The following NOP53 variants were observed in gnomAD, a reference collection of about 807,000 sequenced individuals.
NOP53 encodes the protein ribosome biogenesis protein NOP53.
In NOP53, 40 loss-of-function variants were observed where a neutral mutation model predicts 61.0. The ratio of observed to expected loss-of-function variants is 0.66; its 90% CI spans 0.51 to 0.85. NOP53 has a LOEUF of 0.85. NOP53 is among the 40% of genes least tolerant of loss of function. The pLI, the probability that NOP53 is intolerant of heterozygous loss-of-function variation, is 0.00. For synonymous variants in NOP53, 308 were observed against 289.5 expected, an observed-to-expected ratio of 1.06 and a Z score of -0.65; for missense variants, 689 against 652.9, an observed-to-expected ratio of 1.06 and a Z score of -0.60.
intron 10 of NOP53, chr19:47,756,317 CCT>C: frequency 1.7e-6 from 1 of 593,020 alleles, no homozygotes; most frequent in Non-Finnish European, 3.0e-6. Context: ...TCCCGTGACT[CCT>C]CTAAGCCCAG....
At chr19:47,755,892 AG>A (rs1203025345) in intron 10 of NOP53, 70 bp downstream of exon 10, 1 of 1,332,608 alleles carries the variant, frequency 7.5e-7, no homozygotes, top group East Asian at 2.4e-5. Flanking sequence ...CGTGCCCCCC[AG>A]GGGCTATGGG....
chr19:47,745,854 T>G (rs990840313), intron 1 of NOP53, 71 bp downstream of exon 1: 3 of 278,000 alleles, frequency 1.1e-5, no homozygotes, highest in Non-Finnish European at 1.4e-5. Context: ...CGTGCTTGCG[T>G]GGACTCGTCG....
intron 4 of NOP53, 180 bp downstream of exon 4, chr19:47,751,287 C>G: frequency 1.5e-6 from 1 of 676,464 alleles, no homozygotes; most frequent in Non-Finnish European, 2.5e-6. Context: ...TTTTCCTTTC[C>G]TGAGTTGTGA....
At chr19:47,746,866 G>T (rs572548587) in intron 1 of NOP53, 101 bp from the exon 2 acceptor site, 40 of 929,028 alleles carry the variant, frequency 4.3e-5, no homozygotes, top group Admixed American at 1.8e-4. Context: ...AGAGTCCGGT[G>T]GCGGGACTTG....
Position 47,754,277 on chromosome 19 carries a change from C to CAA in NOP53, c.766-241_766-240dup. ...GGGCAACAAGACAGAAACTCTATCT[C>CAA]AAAAAAAAAATGTGAAGCGTGCAGG... On this transcript the variant is annotated intron_variant, in intron 6 of 12. Transcript: ENST00000246802. The surrounding 1 kb of genome is among the most constrained non-coding windows in gnomAD (Gnocchi z 4.2). 2.1e-5 allele frequency: 9 copies of CAA among 424,358 alleles called. No homozygotes were observed. The highest frequency in any genetic ancestry group is 8.0e-5 in the South Asian group (2 of 24,960). The allele number at this position is 424,358 out of a possible 1,614,324, so 26.3% of individuals were successfully genotyped here. A position where few individuals can be genotyped will look rare whatever the true frequency, so the allele number is the denominator to read the frequency against.
intron 3 of NOP53, among the ~76,000 whole-genome samples, chr19:47,750,530 T>A (rs189786805): frequency 6.6e-6 from 1 of 151,748 alleles, no homozygotes; most frequent in East Asian, 1.9e-4. Flanking sequence ...GTGGGAGGCG[T>A]GTTCAGGAGG....
Position 47,754,696 on chromosome 19 carries a change from C to T in NOP53, c.871-13C>T. 1 of 1,536,260 alleles carries T rather than the reference C, an allele frequency of 6.5e-7. No homozygotes were observed. The highest frequency in any genetic ancestry group is 8.8e-7 in the Non-Finnish European group (1 of 1,137,620). On this transcript the variant is annotated splice_polypyrimidine_tract_variant and intron_variant, in intron 7 of 12. Transcript: ENST00000246802. The surrounding 1 kb of genome is among the most constrained non-coding windows in gnomAD (Gnocchi z 4.2). ...CTCCTACCCACCCCTGACACTGCAC[C>T]CCGCCTCCCCAGGAGTCCACATTCC...
At position 47,751,022 on chromosome 19, in the gene NOP53, G is replaced by T; in HGVS notation, c.513G>T (p.Arg171=). ...LPREVRRAQA[R]LLNPSATRAK... The stretch of plus-strand genomic sequence containing the variant: ...GGGAGGTGCGCAGGGCCCAGGCCCG[G>T]CTCCTCAACCCTTCTGCAACAAGGG... The change falls in exon 4 of 13, where the codon CGG becomes CGT. Residue 171 remains arginine, a synonymous_variant. Coordinates refer to ENST00000246802, the MANE Select transcript of NOP53 (RefSeq NM_015710.5). 1 of 1,601,536 alleles carries T rather than the reference G, an allele frequency of 6.2e-7. No homozygotes were observed. Among genetic ancestry groups the T allele is most frequent in the Non-Finnish European group, 8.5e-7 (1 of 1,175,200 alleles).
chr19:47,755,386 G>T lies in NOP53; in HGVS notation c.1092G>T (p.Arg364=). The change falls in exon 9 of 13, where the codon CGG becomes CGT. Residue 364 remains arginine (R), a synonymous_variant. Transcript: ENST00000246802. The part of the protein sequence containing the change: ...QQAALRAARL[R]HQELFRLRGI... ...CCGCGTTGCGGGCCGCCCGGCTCCG[G>T]CACCAGGAGCTGTTCCGGCTGCGCG... 6.6e-7 allele frequency: 1 copy of T among 1,526,536 alleles called. No homozygotes were observed. Among genetic ancestry groups the T allele is most frequent in the Non-Finnish European group, 8.8e-7 (1 of 1,142,484 alleles). 94.6% of individuals were successfully genotyped at this position (1,526,536 alleles called of 1,614,324 possible).
In NOP53 at chr19:47,756,547, G is replaced by C. The variant is rs752675164; in HGVS notation, c.1316G>C (p.Arg439Pro). 2.5e-6 allele frequency: 4 copies of C among 1,613,926 alleles called. No homozygotes were observed. Among genetic ancestry groups the C allele is most frequent in the South Asian group, 1.1e-5 (1 of 91,086 alleles). ...CTGTAGCCCGAGGGCAACATCCTTCGAGACCGGTTCAAGAGCTTCCAGAGG... is the reference window on the plus strand; with the variant it reads ...CTGTAGCCCGAGGGCAACATCCTTCCAGACCGGTTCAAGAGCTTCCAGAGG... ...RTLKPEGNILRDRFKSFQRRN... is the reference protein window; with the variant it reads ...RTLKPEGNILPDRFKSFQRRN... Residue 439 changes from arginine to proline, a missense_variant, in exon 11 of 13, where the codon CGA (arginine) becomes CCA (proline). Arg to Pro is a moderately radical substitution (Grantham distance 103). Coordinates refer to ENST00000246802, the MANE Select transcript of NOP53 (RefSeq NM_015710.5).
Position 47,754,577 on chromosome 19 carries a change from G to C in NOP53, c.816G>C (p.Ala272=), listed in dbSNP as rs776798100. ...TGGAGTTGCAGCGGCAGAAGGAGGC[G>C]GAGAAGCTGGAGCGGCAGCTGGCCC... ...HEVELQRQKE[A]EKLERQLALP... The change falls in exon 7 of 13, where the codon GCG becomes GCC. Residue 272 remains alanine, a synonymous_variant. Coordinates refer to ENST00000246802, the MANE Select transcript of NOP53 (RefSeq NM_015710.5). The surrounding 1 kb of genome is among the most constrained non-coding windows in gnomAD (Gnocchi z 4.2). 1.9e-6 allele frequency: 3 copies of C among 1,552,884 alleles called. No individual in the cohort carries two copies. In the Admixed American group the frequency reaches 5.8e-5, roughly 30 times the overall value.
rs1421643367 is a variant in NOP53, at chr19:47,756,672, A to G, written c.1374-16A>G. 1 of 1,613,828 alleles carries G rather than the reference A, an allele frequency of 6.2e-7. No homozygotes were observed. Among genetic ancestry groups the G allele is most frequent in the Non-Finnish European group, 8.5e-7 (1 of 1,179,976 alleles). On this transcript the variant is annotated splice_polypyrimidine_tract_variant and intron_variant, in intron 11 of 12. Coordinates refer to ENST00000246802, the MANE Select transcript of NOP53 (RefSeq NM_015710.5). ...ATTGGCCCCGGGCACTGATTGCTCCATTGTCCCTGCTCCAGGTTCAAACGC... is the reference window on the plus strand; with the variant it reads ...ATTGGCCCCGGGCACTGATTGCTCCGTTGTCCCTGCTCCAGGTTCAAACGC...
chr19:47,753,834 A>G (rs1967153443), intron 6 of NOP53: 1 of 152,202 alleles, frequency 6.6e-6, no homozygotes, highest in Admixed American at 6.6e-5. Context: ...TTGTGTAACC[A>G]TCCCCGCAGT....
rs374284146 is a variant in NOP53, at chr19:47,750,931, A to G, written c.422A>G (p.Asn141Ser). 9.4e-6 allele frequency: 15 copies of G among 1,595,126 alleles called. No individual in the cohort carries two copies. The highest frequency in any genetic ancestry group is 5.4e-5 in the African/African-American group (4 of 74,732). ...PKDVLAHQVP[N>S]AKKLRRKEQL... Reference sequence around the variant, plus strand: ...AGCGTCCTCGCCCACCAGGTCCCCAACGCCAAGAAGCTCAGGCGGAAGGAG... The same window carrying G: ...AGCGTCCTCGCCCACCAGGTCCCCAGCGCCAAGAAGCTCAGGCGGAAGGAG... The change falls in exon 4 of 13, where the codon AAC (asparagine) becomes AGC (serine). Residue 141 changes from asparagine to serine, a missense_variant. Coordinates refer to ENST00000246802, the MANE Select transcript of NOP53 (RefSeq NM_015710.5).
At chr19:47,752,918 C>T (rs979008515) in intron 6 of NOP53, 7 of 351,196 alleles carry the variant, frequency 2.0e-5, no homozygotes, top group Non-Finnish European at 3.8e-5. Flanking sequence ...GTGGGTTTTC[C>T]AGGTGGTGGG....
At chr19:47,755,909 C>G (rs761291661) in intron 10 of NOP53, 87 bp downstream of exon 10, 1 of 1,125,906 alleles carries the variant, frequency 8.9e-7, no homozygotes, top group Non-Finnish European at 1.3e-6. Context: ...ATGGGCGACA[C>G]CATGGCTGCC....
chr19:47,754,794 C>T lies in NOP53; in HGVS notation c.956C>T (p.Ala319Val). 1 of 1,531,288 alleles carries T rather than the reference C, an allele frequency of 6.5e-7. No homozygotes were observed. Among genetic ancestry groups the T allele is most frequent in the Non-Finnish European group, 8.8e-7 (1 of 1,141,014 alleles). The allele number at this position is 1,531,288 out of a possible 1,614,324, so 94.9% of individuals were successfully genotyped here. Residue 319 changes from alanine (A) to valine (V), a missense_variant, in exon 8 of 13, where the codon GCT becomes GTT. Coordinates refer to ENST00000246802, the MANE Select transcript of NOP53 (RefSeq NM_015710.5). The surrounding 1 kb of genome is among the most constrained non-coding windows in gnomAD (Gnocchi z 4.2). ...CCAGGCCAGGGCGAGGGGCCGGAGG[C>T]TGGGGATGCCGAGGTCTGTCCCACG... Reference protein sequence around the residue: ...GEPGQGEGPEAGDAEVCPTPA... With the variant: ...GEPGQGEGPEVGDAEVCPTPA...
intron 2 of NOP53, 89 bp downstream of exon 2, chr19:47,747,120 C>T: frequency 5.8e-6 from 6 of 1,034,856 alleles, no homozygotes; most frequent in Non-Finnish European, 8.7e-6. Flanking sequence ...AATGATGTGG[C>T]TTGGAAGGCA....
intron 2 of NOP53, among the ~76,000 whole-genome samples, chr19:47,747,961 G>T (rs1363957600): frequency 6.6e-6 from 1 of 151,788 alleles, no homozygotes; most frequent in African/African-American, 2.4e-5. Context: ...TGTATTTTTA[G>T]TAGAGATGGG....
Sources: gnomAD v4.1 joint callset for allele counts (sites outside exome capture counted in the v4.1 genomes callset) on GRCh38, gnomAD v4.1.1 for gene constraint, Gnocchi (gnomAD v3.1) non-coding constraint, MANE v1.5 for transcripts, NCBI Gene and HGNC (gene_info 2026-07-23, HGNC 2026-07-21) for gene names.